VIPAS39: variants seen among roughly 807,000 people sequenced by gnomAD.
VIPAS39 encodes VPS33B interacting protein, apical-basolateral polarity regulator, spe-39 homolog.
Under a neutral mutation model 84.7 loss-of-function variants are expected in VIPAS39, and 63 were observed. That is an observed-to-expected ratio of 0.74 (90% confidence interval 0.61 to 0.92). The LOEUF is 0.92. VIPAS39 is among the 40% of genes least tolerant of loss of function. The pLI, the probability that VIPAS39 is intolerant of heterozygous loss-of-function variation, is 0.00. For missense variants in VIPAS39, 499 were observed against 604.5 expected (o/e 0.83, Z 1.83); for synonymous variants, 192 against 216.5 (o/e 0.89, Z 0.99).
At chr14:77,429,841 CG>C in intron 16 of VIPAS39, 74 bp from the exon 17 acceptor site, 1 of 1,327,898 alleles carries the variant, frequency 7.5e-7, no homozygotes, top group Non-Finnish European at 1.1e-6. Flanking sequence ...CTATGTTTTA[CG>C]ATCAGACCAG....
chr14:77,427,149 T>G lies in VIPAS39; in HGVS notation c.*467A>C, dbSNP rs1369687346. ...GTGTGAGTGCATCTCCAGGAGGTCTTGGGAAACACTGGCATTCCTTCCTGA... is the reference window on the plus strand; with the variant it reads ...GTGTGAGTGCATCTCCAGGAGGTCTGGGGAAACACTGGCATTCCTTCCTGA... On this transcript the variant is annotated 3_prime_UTR_variant, in exon 20 of 20. Coordinates refer to ENST00000557658, the MANE Select transcript of VIPAS39 (RefSeq NM_001193315.2). 1 of 193,256 alleles carries G rather than the reference T, an allele frequency of 5.2e-6. No individual in the cohort carries two copies. Among genetic ancestry groups the G allele is most frequent in the Admixed American group, 5.3e-5 (1 of 18,732 alleles). The allele number at this position is 193,256 out of a possible 1,614,324, so 12.0% of individuals were successfully genotyped here. A position where few individuals can be genotyped will look rare whatever the true frequency, so the allele number is the denominator to read the frequency against.
At chr14:77,429,872 G>T in intron 16 of VIPAS39, 105 bp from the exon 17 acceptor site, 3 of 998,226 alleles carry the variant, frequency 3.0e-6, no homozygotes, top group Non-Finnish European at 4.9e-6. Context: ...GTGGGTGAGT[G>T]GGGGTGCTGA....
chr14:77,439,126 G>C (rs78511967), intron 11 of VIPAS39, among the ~76,000 whole-genome samples: 2 of 152,110 alleles, frequency 1.3e-5, no homozygotes, highest in African/African-American at 4.8e-5. Flanking sequence ...TACACTAAAA[G>C]TGTACTATCA....
rs552959243 is a variant in VIPAS39, at chr14:77,427,429, G to A, written c.*187C>T. 7.6e-6 allele frequency: 5 copies of A among 654,926 alleles called. No homozygotes were observed. Among genetic ancestry groups the A allele is most frequent in the East Asian group, 2.7e-5 (1 of 36,372 alleles). The allele number at this position is 654,926 out of a possible 1,614,324, so 40.6% of individuals were successfully genotyped here. On this transcript the variant is annotated 3_prime_UTR_variant, in exon 20 of 20. Transcript: ENST00000557658. ...CTCATGACTCAAAGCTTTAGATCTC[G>A]ATCCTCAGATGATGTTCCTTGGACA...
chr14:77,449,729 G>C lies in VIPAS39; in HGVS notation c.367C>G (p.Gln123Glu). The C allele has an allele frequency of 1.9e-6, 3 of 1,614,122 alleles. No homozygotes were observed. The highest frequency in any genetic ancestry group is 2.5e-6 in the Non-Finnish European group (3 of 1,180,016). ...CAATGCCTACCATCAGAAAGGGACT[G>C]GAAACTTCCAGGTCTAGTTCTACCT... ...FRGRTRPGSF[Q>E]SLSDALSDTP... Residue 123 changes from glutamine (Q) to glutamate (E), a missense_variant, in exon 5 of 20, where the codon CAG (glutamine) becomes GAG (glutamate). By Grantham distance (29) the Gln-to-Glu change is conservative. Coordinates refer to ENST00000557658, the MANE Select transcript of VIPAS39 (RefSeq NM_001193315.2).
At position 77,451,326 on chromosome 14, in the gene VIPAS39, T is replaced by C; in HGVS notation, c.204A>G (p.Ser68=). Residue 68 remains serine, a synonymous_variant, in exon 4 of 20, where the codon TCA becomes TCG. Coordinates refer to ENST00000557658, the MANE Select transcript of VIPAS39 (RefSeq NM_001193315.2). ...SWSGEPVGSI[S]WSIRETAGNS... ...TACCAGCAGTCTCTCTGATGGACCA[T>C]GAGATACCTGTGAGATAGTAAGAAC... 6.2e-7 allele frequency: 1 copy of C among 1,614,176 alleles called. No individual in the cohort carries two copies. Among genetic ancestry groups the C allele is most frequent in the Non-Finnish European group, 8.5e-7 (1 of 1,180,014 alleles).
chr14:77,449,848 G>T, intron 4 of VIPAS39, 96 bp from the exon 5 acceptor site: 1 of 1,352,354 alleles, frequency 7.4e-7, no homozygotes, highest in Non-Finnish European at 1.1e-6. Context: ...ACTCAATAAC[G>T]CAATATAGGA....
Position 77,454,083 on chromosome 14 carries a change from T to A in VIPAS39, c.20A>T (p.Asp7Val). ...GGAGCTGTTCCAATACTCCTCCTCATCACCCTTTGTCCGATTCATCTACAG... is the reference window on the plus strand; with the variant it reads ...GGAGCTGTTCCAATACTCCTCCTCAACACCCTTTGTCCGATTCATCTACAG... MNRTKG[D>V]EEEYWNSSKF... The change falls in exon 2 of 20, where the codon GAT (aspartate) becomes GTT (valine). Residue 7 changes from aspartate (D) to valine (V), a missense_variant. By Grantham distance (152) the Asp-to-Val change is radical. Coordinates refer to ENST00000557658, the MANE Select transcript of VIPAS39 (RefSeq NM_001193315.2). The A allele has an allele frequency of 6.2e-7, 1 of 1,614,172 alleles. No individual in the cohort carries two copies. Among genetic ancestry groups the A allele is most frequent in the African/African-American group, 1.3e-5 (1 of 75,064 alleles).
At chr14:77,429,588 G>C (rs1405692988) in intron 17 of VIPAS39, 93 bp downstream of exon 17, 13 of 1,293,304 alleles carry the variant, frequency 1.0e-5, no homozygotes, top group Non-Finnish European at 1.1e-5. Flanking sequence ...GGGAAAACAA[G>C]AGCAGATCGG....
rs557195112 is a variant in VIPAS39, at chr14:77,443,847, T to TGG, written c.597+400_597+401dup. On this transcript the variant is annotated intron_variant, in intron 8 of 19. Transcript: ENST00000557658. ...AAGATTGTCCTACTGCACACTAGCCTGGGCGACAGAGTGAGACTCCATCTC... is the reference window on the plus strand; with the variant it reads ...AAGATTGTCCTACTGCACACTAGCCTGGGGGCGACAGAGTGAGACTCCATCTC... 8.0e-4 allele frequency among the ~76,000 whole-genome samples: 112 copies of TGG among 139,942 alleles called. No homozygotes were observed. The East Asian group carries it at 0.02, about 26-fold the overall frequency. 91.8% of individuals were successfully genotyped at this position (139,942 alleles called of 152,430 possible).
At position 77,435,348 on chromosome 14, in the gene VIPAS39, G is replaced by A. The variant is rs747749610; in HGVS notation, c.958C>T (p.Arg320Ter). ...ATGGAGGCTTTGCGGGGGTGCTTTCGGAAGATCTCAGTCTGTCCTGCTGAT... is the reference window on the plus strand; with the variant it reads ...ATGGAGGCTTTGCGGGGGTGCTTTCAGAAGATCTCAGTCTGTCCTGCTGAT... ...LESAGQTEIF[R>*]KHPRKASILN... is the part of the protein sequence containing the mutation. Residue 320 changes from arginine to a stop codon, truncating the protein, a stop_gained, in exon 14 of 20, where the codon CGA becomes TGA. Transcript: ENST00000557658. LOFTEE classifies it high-confidence loss of function. The A allele has an allele frequency of 1.2e-6, 2 of 1,611,636 alleles. No individual in the cohort carries two copies. The highest frequency in any genetic ancestry group is 1.1e-5 in the South Asian group (1 of 91,002).
At chr14:77,452,550 C>T (rs528489769) in intron 3 of VIPAS39, among the ~76,000 whole-genome samples, 118 of 152,098 alleles carry the variant, frequency 7.8e-4, no homozygotes, top group Non-Finnish European at 1.1e-3. Flanking sequence ...GAGGCCAAGG[C>T]AGGCGGATCA....
At chr14:77,435,133 G>C (rs2078586956) in intron 14 of VIPAS39, 126 bp downstream of exon 14, 3 of 1,478,664 alleles carry the variant, frequency 2.0e-6, no homozygotes, top group Non-Finnish European at 2.8e-6. Context: ...GGCCAGGAAA[G>C]CTTCCAGGTG....
In VIPAS39 at chr14:77,433,833, G is replaced by C. The variant is rs375374499; in HGVS notation, c.1179+9C>G. On this transcript the variant is annotated intron_variant, in intron 16 of 19. Transcript: ENST00000557658. ...CAAGGCCTCAGCAGCACAGGGGCAGGGCACACACCTTTGTGGTGAATAGGG... is the reference window on the plus strand; with the variant it reads ...CAAGGCCTCAGCAGCACAGGGGCAGCGCACACACCTTTGTGGTGAATAGGG... 16 of 1,613,624 alleles carry C rather than the reference G, an allele frequency of 9.9e-6. No homozygotes were observed. The African/African-American group carries it at 2.0e-4, about 20-fold the overall frequency.
At chr14:77,443,916 C>G (rs1566732201) in intron 8 of VIPAS39, among the ~76,000 whole-genome samples, 1 of 151,052 alleles carries the variant, frequency 6.6e-6, no homozygotes, top group Non-Finnish European at 1.5e-5. Context: ...TGGTATGCAC[C>G]TGTGGTCCCA....
chr14:77,436,472 T>C (rs919233599), intron 12 of VIPAS39, among the ~76,000 whole-genome samples: 4 of 152,070 alleles, frequency 2.6e-5, no homozygotes, highest in African/African-American at 9.7e-5. Context: ...TGAGATGGAG[T>C]TTCTCTGTGT....
rs762601749 is a variant in VIPAS39, at chr14:77,443,152, C to T, written c.598G>A (p.Val200Ile). ...AGTGTCCTCTTCAGGAAAATCAGAA[C>T]CTACAGGAAAAAAGAACAAAGACTG... ...SMHDGNVITA[V>I]LIFLKRTLSK... The change falls in exon 9 of 20, where the codon GTT (valine) becomes ATT (isoleucine). Residue 200 changes from valine (V) to isoleucine (I), a missense_variant and splice_region_variant. Val to Ile is a conservative substitution (Grantham distance 29). Transcript: ENST00000557658. The T allele has an allele frequency of 6.2e-6, 10 of 1,614,184 alleles. No individual in the cohort carries two copies. Among genetic ancestry groups the T allele is most frequent in the Non-Finnish European group, 8.5e-6 (10 of 1,180,042 alleles).
In VIPAS39 at chr14:77,430,251, T is replaced by C. The variant is rs115639793; in HGVS notation, c.1180-484A>G. 4.0e-3 allele frequency among the ~76,000 whole-genome samples: 614 copies of C among 152,308 alleles called. 3 individuals carry two copies. Among genetic ancestry groups the C allele is most frequent in the African/African-American group, 0.014 (590 of 41,564 alleles). On this transcript the variant is annotated intron_variant, in intron 16 of 19. Transcript: ENST00000557658. ...TTCTATACTTTAATACAGTGTTTGA[T>C]TTTGACAACAGACACATATTGCTTT...
intron 16 of VIPAS39, among the ~76,000 whole-genome samples, chr14:77,433,464 G>C (rs1235311006): frequency 6.6e-6 from 1 of 152,198 alleles, no homozygotes; most frequent in Non-Finnish European, 1.5e-5. Flanking sequence ...GCCTCCCAAA[G>C]TGCTGGGATT....
Sources: allele counts gnomAD v4.1 joint callset (sites outside exome capture counted in the v4.1 genomes callset), GRCh38; gene constraint gnomAD v4.1.1; transcripts MANE v1.5; gene names NCBI Gene and HGNC (gene_info 2026-07-23, HGNC 2026-07-21).